The following MFAP5 variants were observed in gnomAD, a reference collection of about 807,000 sequenced individuals.
MFAP5 encodes the protein microfibril associated protein 5.
In MFAP5, 19 loss-of-function variants were observed where a neutral mutation model predicts 30.1. The ratio of observed to expected loss-of-function variants is 0.63; its 90% CI spans 0.44 to 0.93. MFAP5 has a LOEUF of 0.93. MFAP5 is among the 40% of genes least tolerant of loss of function. MFAP5 has a pLI of 0.00. For synonymous variants in MFAP5, 92 were observed against 72.9 expected (o/e 1.26, Z -1.33); for missense variants, 210 against 221.3 (o/e 0.95, Z 0.32).
Position 8,650,539 on chromosome 12 carries a change from G to A in MFAP5, c.298C>T (p.Pro100Ser), listed in dbSNP as rs1433247449. Residue 100 changes from proline to serine, a missense_variant, in exon 8 of 10, where the codon CCG becomes TCG. Coordinates refer to ENST00000359478, the MANE Select transcript of MFAP5 (RefSeq NM_003480.4). ...TCTRLYSVHR[P>S]VKQCIHQLCF... is the part of the protein sequence containing the mutation. Reference sequence around the variant, plus strand: ...AACTGATGAATGCATTGTTTAACCGGCCGATGCACAGAGTAGAGCCTTGTG... The same window carrying A: ...AACTGATGAATGCATTGTTTAACCGACCGATGCACAGAGTAGAGCCTTGTG... The A allele has an allele frequency of 6.2e-6, 10 of 1,613,992 alleles. No individual in the cohort carries two copies. The highest frequency in any genetic ancestry group is 8.5e-6 in the Non-Finnish European group (10 of 1,180,030).
chr12:8,648,244 G>C (rs1169449330), intron 9 of MFAP5, 41 bp from the exon 10 acceptor site: 1 of 1,490,096 alleles, frequency 6.7e-7, no homozygotes, highest in Non-Finnish European at 9.3e-7. Flanking sequence ...GAATGCAGAA[G>C]ATAACAAAGG....
At chr12:8,658,341 C>G (rs1314892566) in intron 3 of MFAP5, among the ~76,000 whole-genome samples, 1 of 151,670 alleles carries the variant, frequency 6.6e-6, no homozygotes, top group Admixed American at 6.6e-5. Flanking sequence ...GAGTGAGACT[C>G]TGCCAAAAAA....
chr12:8,653,128 G>C (rs1473131861), intron 6 of MFAP5, among the ~76,000 whole-genome samples: 1 of 151,452 alleles, frequency 6.6e-6, no homozygotes, highest in Non-Finnish European at 1.5e-5. Context: ...GGAGGCGGAG[G>C]TTGCAGTGAG....
chr12:8,648,664 G>T, intron 9 of MFAP5: 2 of 513,376 alleles, frequency 3.9e-6, no homozygotes, highest in Non-Finnish European at 6.3e-6. Context: ...AGTGCCTAGA[G>T]TCCCAAATAC....
intron 6 of MFAP5, among the ~76,000 whole-genome samples, chr12:8,652,606 A>C (rs751168731): frequency 6.6e-6 from 1 of 152,154 alleles, no homozygotes; most frequent in South Asian, 2.1e-4. Context: ...ATGTCACTGG[A>C]AGTGTTGCAA....
At chr12:8,651,961 A>G (rs1941849707) in intron 6 of MFAP5, among the ~76,000 whole-genome samples, 1 of 152,106 alleles carries the variant, frequency 6.6e-6, no homozygotes, top group Admixed American at 6.5e-5. Context: ...GTATCTCTGT[A>G]TTGTTGACAA....
rs1426994961 is a variant in MFAP5, at chr12:8,647,469, C to T, written c.*622G>A. ...CCCAGCCTCTGAGCTTAGCAGAAGA[C>T]ATTTTGGGTCCTTATATATTGCTAG... On this transcript the variant is annotated 3_prime_UTR_variant, in exon 10 of 10. Transcript: ENST00000359478. 1 of 152,184 alleles carries T rather than the reference C, an allele frequency of 6.6e-6. No homozygotes were observed. Among genetic ancestry groups the T allele is most frequent in the Non-Finnish European group, 1.5e-5 (1 of 68,036 alleles). The allele number at this position is 152,184 out of a possible 1,614,324, so 9.4% of individuals were successfully genotyped here. A position where few individuals can be genotyped will look rare whatever the true frequency, so the allele number is the denominator to read the frequency against.
At chr12:8,653,940 C>T (rs1001236161) in intron 6 of MFAP5, among the ~76,000 whole-genome samples, 1 of 151,930 alleles carries the variant, frequency 6.6e-6, no homozygotes, top group Non-Finnish European at 1.5e-5. Context: ...GCCTGGCCAA[C>T]GTGGCGAAAC....
At chr12:8,657,380 T>C (rs1036206512) in intron 3 of MFAP5, among the ~76,000 whole-genome samples, 1 of 151,504 alleles carries the variant, frequency 6.6e-6, no homozygotes, top group Non-Finnish European at 1.5e-5. Flanking sequence ...GATCGCGCCA[T>C]TGCACTCCAG....
rs372917052 is a variant in MFAP5 at position 8,650,491 on chromosome 12, G to A, written c.335+11C>T. On this transcript the variant is annotated intron_variant, in intron 8 of 9. Coordinates refer to ENST00000359478, the MANE Select transcript of MFAP5 (RefSeq NM_003480.4). ...TGGAAGATGCTTTTTGGGCATTCTGGGATCCCTTACCTGGTGAAGCATAAC... is the reference window on the plus strand; with the variant it reads ...TGGAAGATGCTTTTTGGGCATTCTGAGATCCCTTACCTGGTGAAGCATAAC... 1 of 1,611,840 alleles carries A rather than the reference G, an allele frequency of 6.2e-7. No individual in the cohort carries two copies. The highest frequency in any genetic ancestry group is 8.5e-7 in the Non-Finnish European group (1 of 1,178,106).
intron 8 of MFAP5, 125 bp from the exon 9 acceptor site, chr12:8,649,699 C>T: frequency 1.4e-6 from 1 of 699,698 alleles, no homozygotes; most frequent in East Asian, 2.7e-5. Flanking sequence ...TGCTTTTCCC[C>T]AACTGTATTT....
chr12:8,656,059 C>CTTTTTTTTT (rs11359613), intron 3 of MFAP5, among the ~76,000 whole-genome samples: 1 of 113,888 alleles, frequency 8.8e-6, no homozygotes, highest in African/African-American at 3.3e-5. Context: ...ATTCATAATT[C>CTTTTTTTTT]TTTTTTTTTT....
intron 8 of MFAP5, chr12:8,650,260 C>A: frequency 2.0e-6 from 1 of 495,696 alleles, no homozygotes; most frequent in Non-Finnish European, 3.7e-6. Context: ...TCCCTCATGA[C>A]CCTTCTTCCT....
intron 3 of MFAP5, among the ~76,000 whole-genome samples, chr12:8,659,451 C>T (rs1295467701): frequency 1.3e-5 from 2 of 152,120 alleles, no homozygotes; most frequent in Non-Finnish European, 2.9e-5. Context: ...GACAGTTCAT[C>T]ATACCTTATG....
intron 3 of MFAP5, among the ~76,000 whole-genome samples, chr12:8,656,591 T>TACAC (rs1268100031): frequency 1.5e-4 from 20 of 130,872 alleles, no homozygotes; most frequent in Admixed American, 7.8e-4. Flanking sequence ...TATATATATA[T>TACAC]ACACACACAC....
chr12:8,657,781 A>AG (rs1357864525), intron 3 of MFAP5, among the ~76,000 whole-genome samples: 1 of 151,800 alleles, frequency 6.6e-6, no homozygotes, highest in Non-Finnish European at 1.5e-5. Flanking sequence ...CATGTTGGCC[A>AG]GGCTGGTCTT....
In MFAP5 at chr12:8,656,334, C is replaced by T. The variant is rs937107956; in HGVS notation, c.95-504G>A. On this transcript the variant is annotated intron_variant, in intron 3 of 9. Transcript: ENST00000359478. ...AAGTGCTGGGATTACAGGCGTGAGC[C>T]ACCGCGCCCAGCCCATAATTCTGAT... Among the ~76,000 whole-genome samples the T allele has an allele frequency of 3.4e-4, 52 of 151,914 alleles. 1 individual carries two copies. The highest frequency in any genetic ancestry group is 1.2e-3 in the African/African-American group (50 of 41,432).
At chr12:8,651,840 C>A in intron 6 of MFAP5, 149 bp from the exon 7 acceptor site, 1 of 704,550 alleles carries the variant, frequency 1.4e-6, no homozygotes, top group Non-Finnish European at 2.5e-6. Context: ...TAAAAGAAAA[C>A]CCTTATTGAG....
At chr12:8,657,585 T>TTTTG (rs1326711288) in intron 3 of MFAP5, among the ~76,000 whole-genome samples, 6 of 148,766 alleles carry the variant, frequency 4.0e-5, no homozygotes, top group Admixed American at 1.3e-4. Flanking sequence ...TTTTTTTTTT[T>TTTTG]TTGAGACGGA....
Sources: allele counts gnomAD v4.1 joint callset (sites outside exome capture counted in the v4.1 genomes callset), GRCh38; gene constraint gnomAD v4.1.1; transcripts MANE v1.5; gene names NCBI Gene and HGNC (gene_info 2026-07-23, HGNC 2026-07-21).